Variants in MAGI2 observed in about 807,000 individuals in gnomAD.
MAGI2 encodes the protein membrane associated guanylate kinase, WW and PDZ domain containing 2, also known as membrane-associated guanylate kinase, WW and PDZ domain-containing protein 2.
MAGI2 carries 35 observed loss-of-function variants against 133.3 expected under a neutral mutation model. The ratio of observed to expected loss-of-function variants is 0.26; its 90% CI spans 0.20 to 0.35. The LOEUF is 0.35. MAGI2 is among the 10% of genes least tolerant of loss of function. MAGI2 has a pLI of 1.00. For missense variants in MAGI2, 1,636 were observed against 1,863.4 expected, an observed-to-expected ratio of 0.88 and a Z score of 2.25; for synonymous variants, 729 against 710.6, an observed-to-expected ratio of 1.03 and a Z score of -0.41.
intron 3 of MAGI2, among the ~76,000 whole-genome samples, chr7:78,548,907 A>G (rs1299217339): frequency 1.3e-5 from 2 of 152,198 alleles, no homozygotes; most frequent in African/African-American, 2.4e-5. Flanking sequence ...TTATGGTTGA[A>G]TTTGCAAGAT....
chr7:78,546,320 T>G (rs992844885), intron 3 of MAGI2, among the ~76,000 whole-genome samples: 24 of 152,150 alleles, frequency 1.6e-4, no homozygotes, highest in African/African-American at 5.8e-4. Flanking sequence ...TAACTGGCAT[T>G]CCTACTTGCA....
rs149233819 is a variant in MAGI2, at chr7:79,331,766, A to G, written c.301+121254T>C. ...TCTCCTTGGAAATTGGTCATGTAGT[A>G]GTATAAAAGGTCAACTAGTAATTTT... On this transcript the variant is annotated intron_variant, in intron 1 of 21. Transcript: ENST00000354212. 2.2e-3 allele frequency among the ~76,000 whole-genome samples: 329 copies of G among 152,270 alleles called. 4 individuals carry two copies. The highest frequency in any genetic ancestry group is 7.8e-3 in the African/African-American group (325 of 41,574).
chr7:79,083,064 C>CA (rs1816186000), intron 1 of MAGI2, among the ~76,000 whole-genome samples: 1 of 151,298 alleles, frequency 6.6e-6, no homozygotes, highest in Admixed American at 6.6e-5. Context: ...TATTTCTAAT[C>CA]ATGTGTTTGT....
At chr7:78,431,363 G>A (rs943956243) in intron 6 of MAGI2, among the ~76,000 whole-genome samples, 1 of 151,936 alleles carries the variant, frequency 6.6e-6, no homozygotes, top group African/African-American at 2.4e-5. Flanking sequence ...TTTAGGGAGA[G>A]GAAGCAAAGC....
chr7:78,220,722 G>GC (rs1296022388), intron 10 of MAGI2, among the ~76,000 whole-genome samples: 2 of 152,136 alleles, frequency 1.3e-5, no homozygotes, highest in Non-Finnish European at 2.9e-5. Flanking sequence ...GCAAACATTT[G>GC]CCCAAACGCA....
Position 79,377,129 on chromosome 7 carries a change from A to G in MAGI2, c.301+75891T>C, listed in dbSNP as rs140648744. On this transcript the variant is annotated intron_variant, in intron 1 of 21. Coordinates refer to ENST00000354212, the MANE Select transcript of MAGI2 (RefSeq NM_012301.4). Reference sequence around the variant, plus strand: ...CATAAAAGTACACTTCTTCATAACTAACGACTACAACTTTAAAAAGTCAGA... The same window carrying G: ...CATAAAAGTACACTTCTTCATAACTGACGACTACAACTTTAAAAAGTCAGA... Among the ~76,000 whole-genome samples the G allele has an allele frequency of 6.3e-3, 952 of 151,994 alleles. 5 individuals carry two copies. Among genetic ancestry groups the G allele is most frequent in the African/African-American group, 0.022 (894 of 41,490 alleles).
intron 21 of MAGI2, among the ~76,000 whole-genome samples, chr7:78,038,701 CTG>C: frequency 6.6e-6 from 1 of 152,250 alleles, no homozygotes; most frequent in Non-Finnish European, 1.5e-5. Context: ...ACTTTGTAAA[CTG>C]TGGGAGGCAG....
intron 9 of MAGI2, among the ~76,000 whole-genome samples, chr7:78,269,942 A>T (rs943960459): frequency 1.3e-5 from 2 of 152,222 alleles, no homozygotes; most frequent in African/African-American, 4.8e-5. Context: ...TAATTTTTGT[A>T]TAAGGTGTAA....
At position 79,171,766 on chromosome 7, in the gene MAGI2, ATATATTTT is replaced by A. The variant is rs1369804151; in HGVS notation, c.302-164568_302-164561del. 2.0e-3 allele frequency among the ~76,000 whole-genome samples: 47 copies of A among 23,266 alleles called. 1 individual carries two copies. The highest frequency in any genetic ancestry group is 6.6e-3 in the Admixed American group (15 of 2,262). The allele number at this position is 23,266 out of a possible 152,430, so 15.3% of individuals were successfully genotyped here. ...AAAATATATATATATATATATATAT[ATATATTTT>A]TTTTTTTTTTTTCTTTTAAAGGGTC... On this transcript the variant is annotated intron_variant, in intron 1 of 21. Coordinates refer to ENST00000354212, the MANE Select transcript of MAGI2 (RefSeq NM_012301.4).
chr7:79,140,261 T>G (rs558523566), intron 1 of MAGI2, among the ~76,000 whole-genome samples: 212 of 152,300 alleles, frequency 1.4e-3, no homozygotes, highest in African/African-American at 4.9e-3. Flanking sequence ...AAAAATTGGG[T>G]GTTTATTTCT....
At chr7:78,643,739 G>T (rs1030341689) in intron 2 of MAGI2, among the ~76,000 whole-genome samples, 1 of 152,120 alleles carries the variant, frequency 6.6e-6, no homozygotes, top group African/African-American at 2.4e-5. Context: ...GGCACAAGGG[G>T]TGGGGGATGG....
intron 2 of MAGI2, among the ~76,000 whole-genome samples, chr7:78,760,951 T>A (rs145894213): frequency 1.3e-5 from 2 of 152,216 alleles, no homozygotes; most frequent in African/African-American, 4.8e-5. Context: ...TGTTTATTTG[T>A]TGAATGCCTA....
chr7:78,242,571 T>C (rs1791272936), intron 10 of MAGI2, among the ~76,000 whole-genome samples: 1 of 152,194 alleles, frequency 6.6e-6, no homozygotes, highest in Non-Finnish European at 1.5e-5. Flanking sequence ...AGTTGGATTA[T>C]ATAATAATTG....
At chr7:78,469,260 C>G (rs1790946992) in intron 6 of MAGI2, among the ~76,000 whole-genome samples, 1 of 152,120 alleles carries the variant, frequency 6.6e-6, no homozygotes, top group Admixed American at 6.6e-5. Flanking sequence ...GAACTAGAAT[C>G]ATTAGCCATA....
intron 4 of MAGI2, among the ~76,000 whole-genome samples, chr7:78,503,334 G>A (rs180745952): frequency 5.3e-5 from 8 of 152,022 alleles, no homozygotes; most frequent in Admixed American, 1.3e-4. Context: ...CTCAAGATAC[G>A]GGGAGAAAAT....
At chr7:78,866,426 G>A (rs1417210094) in intron 2 of MAGI2, among the ~76,000 whole-genome samples, 3 of 152,056 alleles carry the variant, frequency 2.0e-5, no homozygotes, top group Non-Finnish European at 4.4e-5. Context: ...AGATATTTAT[G>A]GGTGGGGGAG....
intron 1 of MAGI2, among the ~76,000 whole-genome samples, chr7:79,292,470 A>T (rs1028153041): frequency 1.3e-5 from 2 of 151,682 alleles, no homozygotes; most frequent in African/African-American, 4.9e-5. Flanking sequence ...AAAAAAAATA[A>T]AAAAATAAAA....
At chr7:78,213,754 C>A (rs551046450) in intron 10 of MAGI2, among the ~76,000 whole-genome samples, 2 of 152,226 alleles carry the variant, frequency 1.3e-5, no homozygotes, top group Admixed American at 1.3e-4. Flanking sequence ...AAATCTTTGT[C>A]GATCATGCGA....
At chr7:78,667,159 T>A (rs1189866454) in intron 2 of MAGI2, among the ~76,000 whole-genome samples, 3 of 152,046 alleles carry the variant, frequency 2.0e-5, no homozygotes, top group Non-Finnish European at 4.4e-5. Flanking sequence ...TACAATGTCA[T>A]AATGAGAATA....
Sources: allele counts gnomAD v4.1 joint callset (sites outside exome capture counted in the v4.1 genomes callset), GRCh38; gene constraint gnomAD v4.1.1; transcripts MANE v1.5; gene names NCBI Gene and HGNC (gene_info 2026-07-23, HGNC 2026-07-21).